The following STK39 variants were observed in gnomAD, a reference collection of about 807,000 sequenced individuals.
The protein encoded by STK39 is serine/threonine kinase 39.
STK39 carries 20 observed loss-of-function variants against 77.8 expected under a neutral mutation model. The observed-to-expected ratio is 0.26, with a 90% CI of 0.18 to 0.37. The LOEUF (loss-of-function observed/expected upper bound fraction) is 0.37, where lower values mean the gene tolerates loss of function less well. STK39 is among the 10% of genes least tolerant of loss of function. The probability of loss-of-function intolerance (pLI) is 1.00; values close to 1 mark genes in which losing one functional copy is unlikely to be tolerated. For synonymous variants in STK39, 246 were observed against 234.1 expected (o/e 1.05, Z -0.47); for missense variants, 479 against 656.5 (o/e 0.73, Z 2.95).
At chr2:168,166,063 T>C (rs756900747) in intron 3 of STK39, among the ~76,000 whole-genome samples, 7 of 152,186 alleles carry the variant, frequency 4.6e-5, no homozygotes, top group African/African-American at 7.2e-5. Context: ...GTGTAAATAC[T>C]TGCAGCACAG....
chr2:168,018,920 T>C lies in STK39; in HGVS notation c.1377-1825A>G, dbSNP rs140297676. Among the ~76,000 whole-genome samples the C allele has an allele frequency of 2.6e-3, 390 of 152,232 alleles. 3 individuals are homozygous for C. The highest frequency in any genetic ancestry group is 8.0e-3 in the African/African-American group (333 of 41,514). On this transcript the variant is annotated intron_variant, in intron 14 of 17. Coordinates refer to ENST00000355999, the MANE Select transcript of STK39 (RefSeq NM_013233.3). ...ACTTGCTGAAAGAATGCCCTTTTCC[T>C]CAGTGTCTAGAAAGCCAGCCCAAGT...
At chr2:168,132,196 GATTTTA>G (rs1410141983) in intron 8 of STK39, among the ~76,000 whole-genome samples, 1 of 152,074 alleles carries the variant, frequency 6.6e-6, no homozygotes, top group Non-Finnish European at 1.5e-5. Context: ...AAATAACTTG[GATTTTA>G]ATTTTTTTAA....
rs758636517 is a variant in STK39 at position 168,213,094 on chromosome 2, G to A, written c.209-31004C>T. Reference sequence around the variant, plus strand: ...CATGTTCACAGATGTTCCCTGCAACGCTGTGTGTGGAAACTGGGAGTTGCA... The same window carrying A: ...CATGTTCACAGATGTTCCCTGCAACACTGTGTGTGGAAACTGGGAGTTGCA... On this transcript the variant is annotated intron_variant, in intron 1 of 17. Transcript: ENST00000355999. 5.9e-5 allele frequency among the ~76,000 whole-genome samples: 9 copies of A among 152,324 alleles called. No individual in the cohort carries two copies. The South Asian group carries it at 6.2e-4, about 11-fold the overall frequency.
intron 16 of STK39, among the ~76,000 whole-genome samples, chr2:167,992,797 A>C (rs1157103125): frequency 6.6e-6 from 1 of 152,252 alleles, no homozygotes; most frequent in Non-Finnish European, 1.5e-5. Context: ...AAAATGGAAC[A>C]AAACAACATA....
chr2:167,996,450 T>C (rs1683840061), intron 16 of STK39, among the ~76,000 whole-genome samples: 2 of 152,372 alleles, frequency 1.3e-5, no homozygotes, highest in South Asian at 2.1e-4. Flanking sequence ...ACCTAGAACC[T>C]ACCTGGCAGG....
chr2:168,237,981 G>A (rs1178257873), intron 1 of STK39, among the ~76,000 whole-genome samples: 1 of 152,074 alleles, frequency 6.6e-6, no homozygotes, highest in Non-Finnish European at 1.5e-5. Context: ...AGAACCAGAT[G>A]ATTCAAATTA....
intron 14 of STK39, among the ~76,000 whole-genome samples, chr2:168,043,407 A>G (rs535814405): frequency 3.3e-5 from 5 of 152,346 alleles, no homozygotes; most frequent in East Asian, 3.9e-4. Context: ...CCCCAGTAAC[A>G]GAATCAATTA....
intron 10 of STK39, among the ~76,000 whole-genome samples, chr2:168,081,759 T>C (rs1020506347): frequency 6.6e-6 from 1 of 152,038 alleles, no homozygotes; most frequent in Non-Finnish European, 1.5e-5. Flanking sequence ...TGGGAGGTAA[T>C]TGAATTATGG....
chr2:167,955,471 T>C lies in STK39; in HGVS notation c.*25A>G. On this transcript the variant is annotated 3_prime_UTR_variant, in exon 18 of 18. Transcript: ENST00000355999. ...AGGGGTGGCGGTGGGGCATGACAGA[T>C]CAGGGTGACATCAAGGGACATACAT... 1 of 1,612,118 alleles carries C rather than the reference T, an allele frequency of 6.2e-7. No individual in the cohort carries two copies.
At chr2:168,034,688 TG>T (rs2105343634) in intron 14 of STK39, among the ~76,000 whole-genome samples, 1 of 152,306 alleles carries the variant, frequency 6.6e-6, no homozygotes, top group South Asian at 2.1e-4. Flanking sequence ...TCATCATTGC[TG>T]TTATTATGGA....
chr2:167,965,789 C>T (rs1230060978), intron 16 of STK39, among the ~76,000 whole-genome samples: 2 of 152,118 alleles, frequency 1.3e-5, no homozygotes, highest in East Asian at 3.9e-4. Context: ...TAAAATAGTA[C>T]ACATACAAGT....
intron 2 of STK39, among the ~76,000 whole-genome samples, chr2:168,172,255 T>A (rs2105608628): frequency 6.6e-6 from 1 of 152,330 alleles, no homozygotes; most frequent in African/African-American, 2.4e-5. Flanking sequence ...AATTCCTGAC[T>A]AAGCCTCAAA....
chr2:168,227,692 T>G (rs765110219), intron 1 of STK39, among the ~76,000 whole-genome samples: 2 of 152,216 alleles, frequency 1.3e-5, no homozygotes, highest in African/African-American at 4.8e-5. Flanking sequence ...TTTATTTTTT[T>G]GAGACGGAGT....
At chr2:168,227,958 A>C (rs1041111546) in intron 1 of STK39, among the ~76,000 whole-genome samples, 5 of 152,100 alleles carry the variant, frequency 3.3e-5, no homozygotes, top group Admixed American at 6.6e-5. Context: ...CGCCTGGCCA[A>C]AACGATTTTT....
At chr2:168,229,571 A>T (rs773620283) in intron 1 of STK39, among the ~76,000 whole-genome samples, 63 of 152,270 alleles carry the variant, frequency 4.1e-4, no homozygotes, top group Middle Eastern at 3.4e-3. Context: ...CTTTTTGAAA[A>T]ACTGTGAAAC....
intron 15 of STK39, among the ~76,000 whole-genome samples, chr2:168,013,629 A>G (rs192459996): frequency 3.5e-4 from 53 of 152,312 alleles, no homozygotes; most frequent in African/African-American, 1.2e-3. Flanking sequence ...CGGGGGTTTG[A>G]CAGAAATGTC....
intron 14 of STK39, among the ~76,000 whole-genome samples, chr2:168,028,630 C>T (rs1297536953): frequency 6.6e-6 from 1 of 152,204 alleles, no homozygotes; most frequent in Admixed American, 6.5e-5. Flanking sequence ...TAATCATGCT[C>T]ACTATGTAAG....
At chr2:167,984,668 T>C (rs556191435) in intron 16 of STK39, among the ~76,000 whole-genome samples, 3 of 152,160 alleles carry the variant, frequency 2.0e-5, no homozygotes, top group Non-Finnish European at 4.4e-5. Flanking sequence ...TATCAAAGTT[T>C]GGGGAGGAAA....
chr2:168,090,342 G>C (rs548749626), intron 10 of STK39, among the ~76,000 whole-genome samples: 2 of 152,306 alleles, frequency 1.3e-5, no homozygotes, highest in African/African-American at 4.8e-5. Context: ...CCTGAAGAAG[G>C]TCTTGCCAGA....
Sources: gnomAD v4.1 joint callset for allele counts (sites outside exome capture counted in the v4.1 genomes callset) on GRCh38, gnomAD v4.1.1 for gene constraint, MANE v1.5 for transcripts, NCBI Gene and HGNC (gene_info 2026-07-23, HGNC 2026-07-21) for gene names.